Variants in SLC22A23 observed in about 807,000 individuals in gnomAD.
SLC22A23 encodes solute carrier family 22 member 23.
In SLC22A23, 26 loss-of-function variants were observed where a neutral mutation model predicts 61.0. That is an observed-to-expected ratio of 0.43 (90% confidence interval 0.31 to 0.59). SLC22A23 has a LOEUF of 0.59. SLC22A23 is among the 20% of genes least tolerant of loss of function. The pLI, the probability that SLC22A23 is intolerant of heterozygous loss-of-function variation, is 0.11. For missense variants in SLC22A23, 796 were observed against 934.7 expected (o/e 0.85, Z 1.94); for synonymous variants, 430 against 413.9 (o/e 1.04, Z -0.47).
At chr6:3,326,542 G>A (rs1475393890) in intron 3 of SLC22A23, among the ~76,000 whole-genome samples, 2 of 151,988 alleles carry the variant, frequency 1.3e-5, no homozygotes, top group Admixed American at 6.6e-5. Context: ...CTGGAGAAGT[G>A]GAATAATTTT....
At position 3,414,541 on chromosome 6, in the gene SLC22A23, C is replaced by T. The variant is rs907959996; in HGVS notation, c.758+1211G>A. Among the ~76,000 whole-genome samples, 2 of 152,022 alleles carry T rather than the reference C, an allele frequency of 1.3e-5. No individual in the cohort carries two copies. Among genetic ancestry groups the T allele is most frequent in the Non-Finnish European group, 2.9e-5 (2 of 68,006 alleles). Reference sequence around the variant, plus strand: ...TCAGCTCAAGGAACTCCCAAATACACGCTGGGTTTTGGAAGAAATTTTCCA... The same window carrying T: ...TCAGCTCAAGGAACTCCCAAATACATGCTGGGTTTTGGAAGAAATTTTCCA... On this transcript the variant is annotated intron_variant, in intron 2 of 9. Transcript: ENST00000406686. This position sits in a 1 kb window ranked among gnomAD's most constrained non-coding sequence, Gnocchi z 5.1.
At chr6:3,274,542 G>C (rs917466568) in intron 9 of SLC22A23, among the ~76,000 whole-genome samples, 1 of 152,190 alleles carries the variant, frequency 6.6e-6, no homozygotes, top group African/African-American at 2.4e-5. Context: ...TGGGCTGAAA[G>C]GGAGGTCCCT....
chr6:3,279,965 G>A (rs1282353069), intron 9 of SLC22A23, among the ~76,000 whole-genome samples: 4 of 152,178 alleles, frequency 2.6e-5, no homozygotes, highest in Non-Finnish European at 2.9e-5. Context: ...GAATCAAATT[G>A]CTGTTAGCCA....
chr6:3,328,486 G>A lies in SLC22A23; in HGVS notation c.914-4484C>T, dbSNP rs567547487. Among the ~76,000 whole-genome samples, 21 of 152,090 alleles carry A rather than the reference G, an allele frequency of 1.4e-4. 1 individual carries two copies. The highest frequency in any genetic ancestry group is 2.4e-4 in the Non-Finnish European group (16 of 68,022). On this transcript the variant is annotated intron_variant, in intron 3 of 9. Coordinates refer to ENST00000406686, the MANE Select transcript of SLC22A23 (RefSeq NM_015482.2). The surrounding 1 kb of genome is among the most constrained non-coding windows in gnomAD (Gnocchi z 5.0). ...GTGGGGGTTTGATGTGTCACGTGGC[G>A]GGGCTGCAGTCTTAGGCATTTGCTC...
In SLC22A23 at chr6:3,456,500, CG is replaced by C; in HGVS notation, c.59del (p.Pro20ArgfsTer221). On this transcript the variant is annotated frameshift_variant, in exon 1 of 10. Coordinates refer to ENST00000406686, the MANE Select transcript of SLC22A23 (RefSeq NM_015482.2). LOFTEE classifies it high-confidence loss of function. The surrounding 1 kb of genome is among the most constrained non-coding windows in gnomAD (Gnocchi z 7.1). ...AGGGPGRQPA[P>X]AEENGSLPPG... is the part of the protein sequence containing the mutation. ...GCGGCAGGGAGCCGTTCTCCTCGGCCGGGGCCGGCTGCCGCCCAGGCCCGCC... is the reference window on the plus strand; with the variant it reads ...GCGGCAGGGAGCCGTTCTCCTCGGCCGGGCCGGCTGCCGCCCAGGCCCGCC... The C allele has an allele frequency of 9.3e-7, 1 of 1,074,304 alleles. No individual in the cohort carries two copies. The highest frequency in any genetic ancestry group is 1.1e-6 in the Non-Finnish European group (1 of 889,270). 66.5% of individuals were successfully genotyped at this position (1,074,304 alleles called of 1,614,324 possible).
intron 4 of SLC22A23, among the ~76,000 whole-genome samples, chr6:3,315,550 C>T (rs982585585): frequency 6.6e-5 from 10 of 152,148 alleles, no homozygotes; most frequent in African/African-American, 2.2e-4. Context: ...TACACAGTCT[C>T]GAACCCTATT....
Position 3,420,892 on chromosome 6 carries a change from G to T in SLC22A23, c.655-5037C>A, listed in dbSNP as rs141029835. On this transcript the variant is annotated intron_variant, in intron 1 of 9. Transcript: ENST00000406686. ...GGCCAAGGTGGGAGGGTCACTTGAGGTCAGGAGTTCTAGACCAGCCCGGCC... is the reference window on the plus strand; with the variant it reads ...GGCCAAGGTGGGAGGGTCACTTGAGTTCAGGAGTTCTAGACCAGCCCGGCC... Among the ~76,000 whole-genome samples, 97 of 152,220 alleles carry T rather than the reference G, an allele frequency of 6.4e-4. No individual in the cohort carries two copies. The East Asian group carries it at 0.017, about 26-fold the overall frequency.
At position 3,318,194 on chromosome 6, in the gene SLC22A23, C is replaced by T. The variant is rs529103440; in HGVS notation, c.1082+5640G>A. Among the ~76,000 whole-genome samples, 4 of 152,290 alleles carry T rather than the reference C, an allele frequency of 2.6e-5. No individual in the cohort carries two copies. In the East Asian group the frequency reaches 7.7e-4, roughly 29 times the overall value. ...CCTATTAACCAAGCCTTTGTATTTT[C>T]TGTATTTCCTAATGTTTTAACATCT... is the stretch of plus-strand genomic sequence containing the variant. On this transcript the variant is annotated intron_variant, in intron 4 of 9. Transcript: ENST00000406686. This position sits in a 1 kb window ranked among gnomAD's most constrained non-coding sequence, Gnocchi z 4.3.
chr6:3,434,270 G>A (rs962143556), intron 1 of SLC22A23, among the ~76,000 whole-genome samples: 2 of 152,024 alleles, frequency 1.3e-5, no homozygotes, highest in African/African-American at 4.8e-5. Flanking sequence ...CTGAGATCAC[G>A]CCACTGTACT....
intron 1 of SLC22A23, among the ~76,000 whole-genome samples, chr6:3,436,129 T>C (rs2127544777): frequency 6.6e-6 from 1 of 152,048 alleles, no homozygotes; most frequent in African/African-American, 2.4e-5. Flanking sequence ...GCCCGTCCTG[T>C]CTCTGGACTT....
At chr6:3,430,319 T>C (rs958685217) in intron 1 of SLC22A23, among the ~76,000 whole-genome samples, 16 of 152,150 alleles carry the variant, frequency 1.1e-4, no homozygotes, top group South Asian at 2.1e-4. Flanking sequence ...TCAAAGGACA[T>C]TGCCCGCCAA....
chr6:3,299,718 C>T (rs979577934), intron 4 of SLC22A23, among the ~76,000 whole-genome samples: 2 of 152,192 alleles, frequency 1.3e-5, no homozygotes, highest in African/African-American at 4.8e-5. Flanking sequence ...ATGGTCTCTC[C>T]TCATCTTGGC....
chr6:3,367,606 T>C (rs1213061993), intron 3 of SLC22A23, among the ~76,000 whole-genome samples: 25 of 152,320 alleles, frequency 1.6e-4, no homozygotes, highest in Non-Finnish European at 2.9e-5. Flanking sequence ...AACACTCATG[T>C]TCCCATCACA....
At chr6:3,285,829 G>A (rs1759942312) in intron 7 of SLC22A23, among the ~76,000 whole-genome samples, 1 of 152,192 alleles carries the variant, frequency 6.6e-6, no homozygotes. Context: ...GACAGCCCTG[G>A]CGTCTAGTTC....
At chr6:3,290,079 G>C (rs561681689) in intron 5 of SLC22A23, 1 of 586,914 alleles carries the variant, frequency 1.7e-6, no homozygotes, top group East Asian at 2.9e-5. Context: ...GGTTTCGCTC[G>C]GGTGCCTGAG....
intron 3 of SLC22A23, chr6:3,377,824 AC>A (rs1334384930): frequency 6.6e-6 from 1 of 152,246 alleles, no homozygotes; most frequent in Non-Finnish European, 1.5e-5. Flanking sequence ...AAGTACTTAC[AC>A]CTCATACAGG....
At chr6:3,447,929 G>A (rs1771988200) in intron 1 of SLC22A23, among the ~76,000 whole-genome samples, 1 of 129,726 alleles carries the variant, frequency 7.7e-6, no homozygotes, top group Non-Finnish European at 1.6e-5. Context: ...GATAGATGGA[G>A]TCTCACTCTG....
chr6:3,289,722 G>C, intron 6 of SLC22A23, 42 bp downstream of exon 6: 1 of 1,541,024 alleles, frequency 6.5e-7, no homozygotes, highest in Non-Finnish European at 8.9e-7. Context: ...CTTCTTCCCT[G>C]GCCCCCTCCC....
intron 9 of SLC22A23, among the ~76,000 whole-genome samples, chr6:3,275,817 C>T (rs981410883): frequency 1.3e-5 from 2 of 152,216 alleles, no homozygotes; most frequent in Admixed American, 1.3e-4. Context: ...CTCCTAACCT[C>T]GTGATCCACC....
Sources: gnomAD v4.1 joint callset for allele counts (sites outside exome capture counted in the v4.1 genomes callset) on GRCh38, gnomAD v4.1.1 for gene constraint, Gnocchi (gnomAD v3.1) non-coding constraint, MANE v1.5 for transcripts, NCBI Gene and HGNC (gene_info 2026-07-23, HGNC 2026-07-21) for gene names.